Variants in FUT8 observed in about 807,000 individuals in gnomAD.
FUT8 encodes fucosyltransferase 8.
A neutral mutation model predicts 71.3 loss-of-function variants in FUT8; 29 were observed. The observed-to-expected ratio is 0.41, with a 90% CI of 0.30 to 0.55. The LOEUF (loss-of-function observed/expected upper bound fraction) is 0.55. Ranked by LOEUF, FUT8 falls within the 20% of genes least tolerant of loss-of-function variation. The pLI is 0.34. For missense variants in FUT8, 544 were observed against 702.1 expected (o/e 0.77, Z 2.55); for synonymous variants, 254 against 239.3 (o/e 1.06, Z -0.57).
chr14:65,462,169 CA>C (rs1383911713), intron 2 of FUT8, among the ~76,000 whole-genome samples: 1 of 152,046 alleles, frequency 6.6e-6, no homozygotes, highest in Non-Finnish European at 1.5e-5. Flanking sequence ...GTTGGAGTCA[CA>C]AAAAGGGAAT....
At chr14:65,519,874 G>A (rs1169514282) in intron 2 of FUT8, among the ~76,000 whole-genome samples, 2 of 152,056 alleles carry the variant, frequency 1.3e-5, no homozygotes, top group African/African-American at 4.8e-5. Flanking sequence ...CATTTTCTGG[G>A]CTCAAGTGAT....
chr14:65,365,700 TA>T, the FUT8 span, among the ~76,000 whole-genome samples: 1 of 152,172 alleles, frequency 6.6e-6, no homozygotes. Context: ...GAGGTTGCCC[TA>T]TAGGGTCTGA....
At chr14:65,439,952 G>GTATA (rs1425130774) in intron 1 of FUT8, among the ~76,000 whole-genome samples, 1,221 of 37,894 alleles carry the variant, frequency 0.032, 10 homozygotes, top group Middle Eastern at 0.065. Context: ...GTGTGTGTGT[G>GTATA]TGTATATATA....
intron 5 of FUT8, chr14:65,617,182 C>T: frequency 1.3e-6 from 2 of 1,557,698 alleles, no homozygotes; most frequent in Non-Finnish European, 1.7e-6. Flanking sequence ...AAAAGAATTA[C>T]CCCATACAAG....
At chr14:65,420,901 A>G (rs1445517318) in intron 1 of FUT8, among the ~76,000 whole-genome samples, 1 of 152,194 alleles carries the variant, frequency 6.6e-6, no homozygotes, top group Admixed American at 6.5e-5. Context: ...AAATGTTATT[A>G]AGAAAATCAT....
At position 65,742,465 on chromosome 14, in the gene FUT8, A is replaced by G. The variant is rs1896553635; in HGVS notation, c.*55A>G. On this transcript the variant is annotated 3_prime_UTR_variant, in exon 11 of 11. Coordinates refer to ENST00000673929, the MANE Select transcript of FUT8 (RefSeq NM_001371533.1). ...CTCAGTTCGACCAAACTCAGTTCAA[A>G]CCATTTCAGCCAAACTGTAGATGAA... 4 of 1,486,732 alleles carry G rather than the reference A, an allele frequency of 2.7e-6. No homozygotes were observed. Among genetic ancestry groups the G allele is most frequent in the Non-Finnish European group, 3.7e-6 (4 of 1,089,256 alleles). 92.1% of individuals were successfully genotyped at this position (1,486,732 alleles called of 1,614,324 possible).
intron 1 of FUT8, among the ~76,000 whole-genome samples, chr14:65,419,817 A>T (rs1031675078): frequency 6.6e-6 from 1 of 151,904 alleles, no homozygotes; most frequent in African/African-American, 2.4e-5. Context: ...TGGTAAACCG[A>T]CCCCCTCAAC....
At chr14:65,391,685 A>C in the FUT8 span, among the ~76,000 whole-genome samples, 1 of 149,682 alleles carries the variant, frequency 6.7e-6, no homozygotes, top group Non-Finnish European at 1.5e-5. Context: ...ATGGGGTTTC[A>C]CCATGTTGGT....
chr14:65,363,940 G>T, the FUT8 span, among the ~76,000 whole-genome samples: 2 of 152,138 alleles, frequency 1.3e-5, no homozygotes, highest in Non-Finnish European at 2.9e-5. Flanking sequence ...AACTCAGAAG[G>T]GTAGAGAAAA....
chr14:65,421,864 T>C (rs1193768291), intron 1 of FUT8, among the ~76,000 whole-genome samples: 1 of 152,004 alleles, frequency 6.6e-6, no homozygotes, highest in Non-Finnish European at 1.5e-5. Flanking sequence ...CAGGAATTTA[T>C]TGTTTCAGGC....
rs867583337 is a variant in FUT8, at chr14:65,692,208, G to A, written c.835+22728G>A. ...CAGAGGTTCCCCTCACCTCCCGGACGGGGCGGCTGGCCAGGCGGGGGGCTG... is the reference window on the plus strand; with the variant it reads ...CAGAGGTTCCCCTCACCTCCCGGACAGGGCGGCTGGCCAGGCGGGGGGCTG... On this transcript the variant is annotated intron_variant, in intron 7 of 10. Transcript: ENST00000673929. 4.3e-3 allele frequency among the ~76,000 whole-genome samples: 651 copies of A among 151,272 alleles called. 7 individuals are homozygous for A. Among genetic ancestry groups the A allele is most frequent in the African/African-American group, 0.015 (620 of 41,248 alleles).
chr14:65,457,423 G>C lies in FUT8; in HGVS notation c.-228+1705G>C, dbSNP rs554873493. Among the ~76,000 whole-genome samples the C allele has an allele frequency of 1.2e-3, 180 of 152,314 alleles. 1 individual carries two copies. The highest frequency in any genetic ancestry group is 4.1e-3 in the African/African-American group (170 of 41,566). On this transcript the variant is annotated intron_variant, in intron 2 of 10. Transcript: ENST00000673929. ...TTAGAAAGGGGATCTATTGGAACTT[G>C]TGGTGTTCCCTGATTTTGGAGATAC...
intron 3 of FUT8, among the ~76,000 whole-genome samples, chr14:65,576,696 CTTTTTTTTTTTTTT>C (rs376473739): frequency 3.0e-4 from 29 of 96,182 alleles, no homozygotes; most frequent in South Asian, 1.2e-3. Context: ...GCCCAGCTTG[CTTTTTTTTTTTTTT>C]TTTTTTTTTT....
intron 6 of FUT8, among the ~76,000 whole-genome samples, chr14:65,657,843 G>A (rs548767091): frequency 4.6e-5 from 7 of 152,016 alleles, no homozygotes; most frequent in Admixed American, 4.6e-4. Context: ...GTAACACAAA[G>A]GATGGCTACC....
At chr14:65,532,264 C>T (rs1884005848) in intron 2 of FUT8, among the ~76,000 whole-genome samples, 1 of 152,184 alleles carries the variant, frequency 6.6e-6, no homozygotes, top group Non-Finnish European at 1.5e-5. Flanking sequence ...TCTCTTTCCT[C>T]TGCAACCTTG....
chr14:65,458,795 T>C (rs537307132), intron 2 of FUT8, among the ~76,000 whole-genome samples: 29 of 150,302 alleles, frequency 1.9e-4, no homozygotes, highest in East Asian at 1.2e-3. Flanking sequence ...TTCTTTCTTT[T>C]TTTTTTTTTT....
At chr14:65,474,844 G>T (rs1434340746) in intron 2 of FUT8, among the ~76,000 whole-genome samples, 1 of 152,094 alleles carries the variant, frequency 6.6e-6, no homozygotes, top group Non-Finnish European at 1.5e-5. Context: ...CATTTTTGTG[G>T]ATTTGTTCAG....
In FUT8 at chr14:65,520,261, GTT is replaced by G. The variant is rs1882991322; in HGVS notation, c.-227-41070_-227-41069del. Among the ~76,000 whole-genome samples, 11 of 151,940 alleles carry G rather than the reference GTT, an allele frequency of 7.2e-5. 1 individual carries two copies. The highest frequency in any genetic ancestry group is 7.2e-4 in the Admixed American group (11 of 15,264). ...AATGGCAAAGAACGGAAGTTTTTAA[GTT>G]TTTTTGTATACTTATAAATTTAATT... On this transcript the variant is annotated intron_variant, in intron 2 of 10. Coordinates refer to ENST00000673929, the MANE Select transcript of FUT8 (RefSeq NM_001371533.1).
At chr14:65,504,573 T>G (rs1217514679) in intron 2 of FUT8, among the ~76,000 whole-genome samples, 2 of 152,184 alleles carry the variant, frequency 1.3e-5, no homozygotes, top group Admixed American at 1.3e-4. Context: ...AATAACTTGG[T>G]TAATAAATAC....
Sources: gnomAD v4.1 joint callset for allele counts (sites outside exome capture counted in the v4.1 genomes callset) on GRCh38, gnomAD v4.1.1 for gene constraint, MANE v1.5 for transcripts, NCBI Gene and HGNC (gene_info 2026-07-23, HGNC 2026-07-21) for gene names.